Variants in SH3PXD2A observed in about 807,000 individuals in gnomAD.
SH3PXD2A encodes the protein SH3 and PX domains 2A.
A neutral mutation model predicts 115.2 loss-of-function variants in SH3PXD2A; 32 were observed. The observed-to-expected ratio is 0.28, with a 90% CI of 0.21 to 0.37. The LOEUF (loss-of-function observed/expected upper bound fraction) is 0.37. Among genes scored for constraint, SH3PXD2A ranks in the 10% least tolerant of loss-of-function variants. SH3PXD2A has a pLI of 1.00. For missense variants in SH3PXD2A, 1,328 were observed against 1,498.7 expected (o/e 0.89, Z 1.88); for synonymous variants, 610 against 629.1 (o/e 0.97, Z 0.45).
At chr10:103,840,006 G>A (rs1247965423) in intron 1 of SH3PXD2A, among the ~76,000 whole-genome samples, 1 of 152,226 alleles carries the variant, frequency 6.6e-6, no homozygotes, top group South Asian at 2.1e-4. Flanking sequence ...GGCTCCCAAC[G>A]CCCAGTGCCA....
intron 13 of SH3PXD2A, 146 bp downstream of exon 13, chr10:103,611,435 C>G: frequency 1.3e-6 from 1 of 761,354 alleles, no homozygotes; most frequent in South Asian, 1.6e-5. Flanking sequence ...CTCCCTGCCC[C>G]TAGCCCCACA....
intron 1 of SH3PXD2A, among the ~76,000 whole-genome samples, chr10:103,840,397 C>G (rs1162109977): frequency 6.6e-6 from 1 of 152,206 alleles, no homozygotes; most frequent in Non-Finnish European, 1.5e-5. Context: ...ACCAAGCCCA[C>G]CCCCTGCAGT....
chr10:103,661,289 C>T (rs2037296882), intron 7 of SH3PXD2A, among the ~76,000 whole-genome samples, 175 bp from the exon 8 acceptor site: 1 of 152,240 alleles, frequency 6.6e-6, no homozygotes, highest in South Asian at 2.1e-4. Context: ...GGCCATATAG[C>T]AAGGCCCCAG....
At position 103,735,592 on chromosome 10, in the gene SH3PXD2A, C is replaced by T. The variant is rs893709515; in HGVS notation, c.306+140G>A. The T allele has an allele frequency of 4.4e-6, 3 of 685,674 alleles. 1 individual carries two copies. The Admixed American group carries it at 6.9e-5, about 16-fold the overall frequency. The allele number at this position is 685,674 out of a possible 1,614,324, so 42.5% of individuals were successfully genotyped here. ...AGCTACGGGGTGATCCCATACCCAC[C>T]CCTCTGGCCAGGAAACACCAGGCCT... On this transcript the variant is annotated intron_variant, in intron 4 of 14. Transcript: ENST00000369774.
chr10:103,692,399 TG>T (rs932660673), intron 6 of SH3PXD2A, among the ~76,000 whole-genome samples: 4 of 80,118 alleles, frequency 5.0e-5, no homozygotes, highest in African/African-American at 9.4e-5. Flanking sequence ...GGGAGGGGGT[TG>T]GGGGGGTCGG....
intron 8 of SH3PXD2A, among the ~76,000 whole-genome samples, chr10:103,639,646 GAAAA>G (rs370955564): frequency 0.15 from 20,830 of 137,400 alleles, 1,868 homozygotes; most frequent in South Asian, 0.29. Context: ...AAAAAAAAAA[GAAAA>G]AAAGAAAATG....
At chr10:103,843,250 A>G (rs1279998859) in intron 1 of SH3PXD2A, among the ~76,000 whole-genome samples, 2 of 152,224 alleles carry the variant, frequency 1.3e-5, no homozygotes, top group African/African-American at 4.8e-5. Context: ...GCCACAGCCC[A>G]TGACAGCAGC....
intron 1 of SH3PXD2A, among the ~76,000 whole-genome samples, chr10:103,823,676 T>C (rs1163144485): frequency 6.6e-6 from 1 of 152,188 alleles, no homozygotes; most frequent in East Asian, 1.9e-4. Flanking sequence ...ACAGTAGAGC[T>C]TGGATTCCAG....
chr10:103,607,948 A>T (rs1239646168), intron 13 of SH3PXD2A, among the ~76,000 whole-genome samples: 1 of 151,814 alleles, frequency 6.6e-6, no homozygotes, highest in Non-Finnish European at 1.5e-5. Context: ...AGATGCTTGA[A>T]GGCAGCATGC....
Position 103,596,180 on chromosome 10 carries a change from C to T in SH3PXD2A, c.*5636G>A, listed in dbSNP as rs761196619. 6 of 152,224 alleles carry T rather than the reference C, an allele frequency of 3.9e-5. No homozygotes were observed. The highest frequency in any genetic ancestry group is 7.2e-5 in the African/African-American group (3 of 41,430). The allele number at this position is 152,224 out of a possible 1,614,324, so 9.4% of individuals were successfully genotyped here. ...CCTGACCCACCCTCTGAAACAAGGA[C>T]GAAAGGGCTGGCAGCTTTCATTATA... On this transcript the variant is annotated 3_prime_UTR_variant, in exon 15 of 15. Coordinates refer to ENST00000369774, the MANE Select transcript of SH3PXD2A (RefSeq NM_001394015.1).
intron 1 of SH3PXD2A, among the ~76,000 whole-genome samples, chr10:103,813,999 T>TAAA (rs781401560): frequency 1.7e-5 from 1 of 60,340 alleles, no homozygotes; most frequent in Non-Finnish European, 3.3e-5. Context: ...CTGGACTAGC[T>TAAA]AAAAAAAAAA....
intron 1 of SH3PXD2A, among the ~76,000 whole-genome samples, chr10:103,827,940 G>A (rs1191106605): frequency 5.3e-5 from 8 of 152,174 alleles, no homozygotes; most frequent in Non-Finnish European, 8.8e-5. Context: ...GTCGTGCCCC[G>A]CAGAGGACTG....
chr10:103,606,095 C>G (rs917037839), intron 13 of SH3PXD2A, among the ~76,000 whole-genome samples, 178 bp from the exon 14 acceptor site: 13 of 152,078 alleles, frequency 8.5e-5, no homozygotes, highest in African/African-American at 2.9e-4. Flanking sequence ...CGCCAGGGGA[C>G]TACTCTGATG....
chr10:103,661,975 A>T, intron 7 of SH3PXD2A: 1 of 984,840 alleles, frequency 1.0e-6, no homozygotes, highest in Non-Finnish European at 1.2e-6. Context: ...GCTGCCACCG[A>T]GCCCAGGCCG....
At chr10:103,793,765 G>C (rs2039059980) in intron 2 of SH3PXD2A, among the ~76,000 whole-genome samples, 1 of 152,156 alleles carries the variant, frequency 6.6e-6, no homozygotes, top group African/African-American at 2.4e-5. Context: ...TTTAGTCTAG[G>C]GTCAGTAATC....
chr10:103,755,251 T>C (rs1193703067), intron 3 of SH3PXD2A: 1 of 152,170 alleles, frequency 6.6e-6, no homozygotes, highest in Non-Finnish European at 1.5e-5. Flanking sequence ...ATACTAAAAA[T>C]TACCAAATCA....
At chr10:103,674,154 G>C (rs966284485) in intron 6 of SH3PXD2A, among the ~76,000 whole-genome samples, 3 of 152,080 alleles carry the variant, frequency 2.0e-5, no homozygotes, top group Non-Finnish European at 4.4e-5. Context: ...CAGACTCCAC[G>C]TTTCTTTTCC....
At chr10:103,847,131 T>C (rs771403718) in intron 1 of SH3PXD2A, among the ~76,000 whole-genome samples, 6 of 152,112 alleles carry the variant, frequency 3.9e-5, no homozygotes, top group Non-Finnish European at 8.8e-5. Flanking sequence ...AATGAAGAGG[T>C]AGTTTGAAGC....
At chr10:103,726,122 G>A (rs1434562277) in intron 4 of SH3PXD2A, among the ~76,000 whole-genome samples, 4 of 152,310 alleles carry the variant, frequency 2.6e-5, no homozygotes, top group South Asian at 2.1e-4. Flanking sequence ...ACAGGGAGCC[G>A]AGGGCTAGAG....
Sources: allele counts gnomAD v4.1 joint callset (sites outside exome capture counted in the v4.1 genomes callset), GRCh38; gene constraint gnomAD v4.1.1; transcripts MANE v1.5; gene names NCBI Gene and HGNC (gene_info 2026-07-23, HGNC 2026-07-21).